PIK3R5: variants seen among roughly 807,000 people sequenced by gnomAD.
The protein encoded by PIK3R5 is phosphoinositide 3-kinase regulatory subunit 5.
A neutral mutation model predicts 94.9 loss-of-function variants in PIK3R5; 32 were observed. That is an observed-to-expected ratio of 0.34 (90% CI 0.25 to 0.45). The LOEUF (loss-of-function observed/expected upper bound fraction) is 0.45. PIK3R5 is among the 20% of genes least tolerant of loss of function. PIK3R5 has a pLI of 1.00. For synonymous variants in PIK3R5, 443 were observed against 479.4 expected (o/e 0.92, Z 0.99); for missense variants, 853 against 1,144.6 (o/e 0.75, Z 3.68).
intron 1 of PIK3R5, among the ~76,000 whole-genome samples, chr17:8,932,041 CAGATGA>C (rs1371114864): frequency 6.6e-6 from 1 of 152,026 alleles, no homozygotes; most frequent in Admixed American, 6.5e-5. Context: ...AATTACTAGA[CAGATGA>C]AGATGAAGAA....
In PIK3R5 at chr17:8,948,029, C is replaced by T. The variant is rs537938580; in HGVS notation, c.-14+17567G>A. Among the ~76,000 whole-genome samples, 591 of 115,720 alleles carry T rather than the reference C, an allele frequency of 5.1e-3. 5 individuals are homozygous for T. Among genetic ancestry groups the T allele is most frequent in the African/African-American group, 0.019 (555 of 29,804 alleles). The allele number at this position is 115,720 out of a possible 152,430, so 75.9% of individuals were successfully genotyped here. A position where few individuals can be genotyped will look rare whatever the true frequency, so the allele number is the denominator to read the frequency against. ...CTGCACTCCAGCCTGGGCGACAGAG[C>T]GAGACTCCGTCTTAAAAAAAAAAAA... is the stretch of plus-strand genomic sequence containing the variant. On this transcript the variant is annotated intron_variant, in intron 1 of 18. Coordinates refer to ENST00000447110, the MANE Select transcript of PIK3R5 (RefSeq NM_001142633.3).
At chr17:8,963,029 C>G (rs970016754) in intron 1 of PIK3R5, among the ~76,000 whole-genome samples, 1 of 152,072 alleles carries the variant, frequency 6.6e-6, no homozygotes, top group African/African-American at 2.4e-5. Flanking sequence ...ACTCTGTTGC[C>G]CAGGCTGGAA....
intron 12 of PIK3R5, among the ~76,000 whole-genome samples, chr17:8,886,830 G>A (rs1017040918): frequency 1.6e-4 from 24 of 152,170 alleles, no homozygotes; most frequent in African/African-American, 5.5e-4. Flanking sequence ...AGACAAAGGC[G>A]GGAGTTGAGG....
chr17:8,888,523 T>C lies in PIK3R5; in HGVS notation c.1264A>G (p.Ile422Val). 4 of 1,611,464 alleles carry C rather than the reference T, an allele frequency of 2.5e-6. No homozygotes were observed. Among genetic ancestry groups the C allele is most frequent in the Non-Finnish European group, 3.4e-6 (4 of 1,179,516 alleles). Residue 422 changes from isoleucine (I) to valine (V), a missense_variant, in exon 10 of 19, where the codon ATC becomes GTC. Coordinates refer to ENST00000447110, the MANE Select transcript of PIK3R5 (RefSeq NM_001142633.3). This position sits in a 1 kb window ranked among gnomAD's most constrained non-coding sequence, Gnocchi z 7.8. ...CTCTTGAAGAGTTTATAGATCCTGATGAACTTCTGCCCAGGCCTGCGGTGG... is the reference window on the plus strand; with the variant it reads ...CTCTTGAAGAGTTTATAGATCCTGACGAACTTCTGCCCAGGCCTGCGGTGG... The part of the protein sequence containing the change: ...RGHRRPGQKF[I>V]RIYKLFKSTS...
intron 1 of PIK3R5, among the ~76,000 whole-genome samples, chr17:8,940,226 C>T (rs897088032): frequency 2.0e-5 from 3 of 152,190 alleles, no homozygotes; most frequent in South Asian, 4.1e-4. Context: ...CAGCTGGGCA[C>T]GTGGGAGGCC....
intron 1 of PIK3R5, among the ~76,000 whole-genome samples, chr17:8,924,945 A>G (rs956563763): frequency 1.3e-5 from 2 of 152,234 alleles, no homozygotes; most frequent in African/African-American, 4.8e-5. Flanking sequence ...CTATGACATT[A>G]GGGCATCAGG....
chr17:8,918,487 TATAG>T (rs777310757), intron 1 of PIK3R5, among the ~76,000 whole-genome samples: 4 of 152,154 alleles, frequency 2.6e-5, no homozygotes, highest in Non-Finnish European at 5.9e-5. Flanking sequence ...TATAGATAAT[TATAG>T]ATAATTAAAT....
intron 1 of PIK3R5, among the ~76,000 whole-genome samples, chr17:8,934,699 G>A (rs1468384602): frequency 6.6e-6 from 1 of 151,960 alleles, no homozygotes; most frequent in African/African-American, 2.4e-5. Flanking sequence ...TGGTACTGAC[G>A]ATTTAAGCAC....
chr17:8,883,196 C>T (rs527362832), intron 15 of PIK3R5, among the ~76,000 whole-genome samples: 3 of 152,116 alleles, frequency 2.0e-5, no homozygotes, highest in African/African-American at 4.8e-5. Flanking sequence ...GGTGAAACCC[C>T]GTCTCTACTA....
intron 1 of PIK3R5, among the ~76,000 whole-genome samples, chr17:8,922,199 G>T (rs1229732959): frequency 6.6e-6 from 1 of 151,984 alleles, no homozygotes; most frequent in East Asian, 1.9e-4. Context: ...AAGAAAAGGA[G>T]GAAGGTAATT....
At chr17:8,899,703 G>A (rs957469534) in intron 5 of PIK3R5, among the ~76,000 whole-genome samples, 3 of 152,144 alleles carry the variant, frequency 2.0e-5, no homozygotes, top group African/African-American at 7.2e-5. Context: ...CCACTTAACT[G>A]GGGGTGGGAG....
At chr17:8,897,837 G>T (rs930759952) in intron 5 of PIK3R5, among the ~76,000 whole-genome samples, 6 of 152,344 alleles carry the variant, frequency 3.9e-5, no homozygotes, top group African/African-American at 1.4e-4. Flanking sequence ...GCCAAGGATG[G>T]TGGAGTGGAA....
At chr17:8,944,300 TACC>T (rs2091237963) in intron 1 of PIK3R5, among the ~76,000 whole-genome samples, 1 of 152,246 alleles carries the variant, frequency 6.6e-6, no homozygotes, top group Non-Finnish European at 1.5e-5. Context: ...GGTGTATATG[TACC>T]ACATTTCCTT....
intron 1 of PIK3R5, chr17:8,916,912 T>C (rs1338038115): frequency 2.6e-5 from 4 of 152,366 alleles, no homozygotes; most frequent in African/African-American, 7.2e-5. Context: ...CTCCAGGTTC[T>C]GGCTGGCTCT....
chr17:8,914,651 T>G (rs545746222), intron 1 of PIK3R5, among the ~76,000 whole-genome samples: 14 of 152,352 alleles, frequency 9.2e-5, no homozygotes, highest in Admixed American at 3.9e-4. Context: ...TGCTGCCCTT[T>G]GTTCCTCGGG....
rs185921218 is a variant in PIK3R5, at chr17:8,879,164, G to C, written c.*1475C>G. On this transcript the variant is annotated 3_prime_UTR_variant, in exon 19 of 19. Transcript: ENST00000447110. The surrounding 1 kb of genome is among the most constrained non-coding windows in gnomAD (Gnocchi z 4.4). ...TGAGTACTCTGGGCTGGAATTTCAC[G>C]TAAGGCCTTTTGGGCATAATGAATT... 6.6e-6 allele frequency: 1 copy of C among 152,162 alleles called. No individual in the cohort carries two copies. Among genetic ancestry groups the C allele is most frequent in the Non-Finnish European group, 1.5e-5 (1 of 68,044 alleles). 9.4% of individuals were successfully genotyped at this position (152,162 alleles called of 1,614,324 possible).
At chr17:8,905,831 CTT>C (rs578092015) in intron 3 of PIK3R5, 94 bp from the exon 4 acceptor site, 18,226 of 375,580 alleles carry the variant, frequency 0.049, 2 homozygotes, top group Non-Finnish European at 0.056. Context: ...TCTAGCCTTT[CTT>C]TTTTTTTTTT....
rs1035362371 is a variant in PIK3R5 at position 8,945,175 on chromosome 17, C to T, written c.-14+20421G>A. Among the ~76,000 whole-genome samples, 2 of 152,192 alleles carry T rather than the reference C, an allele frequency of 1.3e-5. No homozygotes were observed. Among genetic ancestry groups the T allele is most frequent in the South Asian group, 2.1e-4 (1 of 4,828 alleles). On this transcript the variant is annotated intron_variant, in intron 1 of 18. Transcript: ENST00000447110. This position sits in a 1 kb window ranked among gnomAD's most constrained non-coding sequence, Gnocchi z 4.0. ...CCACTTCGAAGAGGGGATCTACATC[C>T]TCCCCAGCTGCAGGAACACTCACTC...
At chr17:8,929,993 G>A (rs781265182) in intron 1 of PIK3R5, among the ~76,000 whole-genome samples, 3 of 152,014 alleles carry the variant, frequency 2.0e-5, no homozygotes, top group Admixed American at 6.6e-5. Flanking sequence ...AGAAATAATC[G>A]GAGACTTCAG....
Sources: gnomAD v4.1 joint callset for allele counts (sites outside exome capture counted in the v4.1 genomes callset) on GRCh38, gnomAD v4.1.1 for gene constraint, Gnocchi (gnomAD v3.1) non-coding constraint, MANE v1.5 for transcripts, NCBI Gene and HGNC (gene_info 2026-07-23, HGNC 2026-07-21) for gene names.